The following SYNE1 variants were observed in gnomAD, a reference collection of about 807,000 sequenced individuals.
SYNE1 encodes nesprin-1.
Under a neutral mutation model 1,111.0 loss-of-function variants are expected in SYNE1, and 616 were observed. The observed-to-expected ratio is 0.55, with a 90% confidence interval of 0.52 to 0.59. The LOEUF is 0.59. Ranked by LOEUF, SYNE1 falls within the 20% of genes least tolerant of loss-of-function variation. The probability of loss-of-function intolerance (pLI) is 0.00; values close to 1 mark genes in which losing one functional copy is unlikely to be tolerated. For missense variants in SYNE1, 10,006 were observed against 10,417.0 expected (o/e 0.96, Z 1.72); for synonymous variants, 3,855 against 3,825.8 (o/e 1.01, Z -0.28).
chr6:152,300,605 G>C (rs774835243), intron 93 of SYNE1, 36 bp downstream of exon 93: 11 of 1,613,752 alleles, frequency 6.8e-6, no homozygotes, highest in Non-Finnish European at 9.3e-6. Context: ...CATCTGCCCA[G>C]AGATTATTGC....
intron 93 of SYNE1, 54 bp downstream of exon 93, chr6:152,300,587 G>A (rs536241015): frequency 1.9e-6 from 3 of 1,611,432 alleles, no homozygotes; most frequent in African/African-American, 2.7e-5. Context: ...ACAGAGAATG[G>A]AGTCCTGCAT....
At position 152,254,980 on chromosome 6, in the gene SYNE1, GT is replaced by G; in HGVS notation, c.19369del (p.Thr6457LeufsTer12). 1 of 1,613,978 alleles carries G rather than the reference GT, an allele frequency of 6.2e-7. No individual in the cohort carries two copies. The highest frequency in any genetic ancestry group is 1.7e-5 in the Admixed American group (1 of 60,012). On this transcript the variant is annotated frameshift_variant, in exon 104 of 146. Coordinates refer to ENST00000367255, the MANE Select transcript of SYNE1 (RefSeq NM_182961.4). LOFTEE classifies it high-confidence loss of function. ...NGDNRDVIEDTLGCLLGRLSL... is the reference protein window; with the variant it reads ...NGDNRDVIEDXLGCLLGRLSL... ...TAACCTGCCCAAAAGACAACCCAAAGTATCTTCAATAACATCTCGATTATCA... is the reference window on the plus strand; with the variant it reads ...TAACCTGCCCAAAAGACAACCCAAAGATCTTCAATAACATCTCGATTATCA...
chr6:152,127,961 G>GAAGGTGCCAGAGACCT (rs1338671165), intron 145 of SYNE1: 1 of 152,110 alleles, frequency 6.6e-6, no homozygotes, highest in Non-Finnish European at 1.5e-5. Flanking sequence ...TCTCTGTAAA[G>GAAGGTGCCAGAGACCT]AAGGTGCCAG....
rs1180250390 is a variant in SYNE1 at position 152,130,581 on chromosome 6, G to A, written c.26153+139C>T. ...TTCAGAAACTTCTCTTCCAATGTAT[G>A]AGGAAAGGGTGTGGACTGAAATGAG... On this transcript the variant is annotated intron_variant, in intron 145 of 145. Transcript: ENST00000367255. The A allele has an allele frequency of 3.3e-5, 27 of 807,242 alleles. No homozygotes were observed. The East Asian group carries it at 6.9e-4, about 21-fold the overall frequency. The allele number at this position is 807,242 out of a possible 1,614,324, so 50.0% of individuals were successfully genotyped here. A position where few individuals can be genotyped will look rare whatever the true frequency, so the allele number is the denominator to read the frequency against.
intron 2 of SYNE1, among the ~76,000 whole-genome samples, chr6:152,632,352 A>T (rs898965185): frequency 2.0e-5 from 3 of 152,228 alleles, no homozygotes; most frequent in African/African-American, 7.2e-5. Flanking sequence ...CAGACATTAA[A>T]CATTTTGCTT....
chr6:152,238,794 A>G (rs1362882337), intron 108 of SYNE1, among the ~76,000 whole-genome samples: 1 of 152,086 alleles, frequency 6.6e-6, no homozygotes, highest in East Asian at 1.9e-4. Flanking sequence ...AATGTCCTAC[A>G]TTTCCACGGG....
chr6:152,149,816 TTACC>T (rs1437592236), intron 135 of SYNE1, 148 bp from the exon 136 acceptor site: 1 of 714,904 alleles, frequency 1.4e-6, no homozygotes, highest in East Asian at 2.7e-5. Context: ...CAAGAGTCTA[TTACC>T]TTCTAAAGTA....
In SYNE1 at chr6:152,486,064, G is replaced by A. The variant is rs187695272; in HGVS notation, c.1048-1092C>T. Among the ~76,000 whole-genome samples, 98 of 152,000 alleles carry A rather than the reference G, an allele frequency of 6.4e-4. 2 individuals are homozygous for A. The East Asian group carries it at 0.017, about 27-fold the overall frequency. On this transcript the variant is annotated intron_variant, in intron 12 of 145. Coordinates refer to ENST00000367255, the MANE Select transcript of SYNE1 (RefSeq NM_182961.4). ...ACAAAAATTAGCTGAGCATAGTGGC[G>A]CATGCCTGTAGTCCCAGCTACTCAG...
At chr6:152,155,762 T>C (rs2061269086) in intron 132 of SYNE1, 148 bp downstream of exon 132, 5 of 934,760 alleles carry the variant, frequency 5.3e-6, no homozygotes, top group Non-Finnish European at 8.5e-6. Context: ...TTTTCCCAAC[T>C]AAATGTAGAC....
At chr6:152,521,250 C>G (rs557000337) in intron 5 of SYNE1, among the ~76,000 whole-genome samples, 2 of 152,270 alleles carry the variant, frequency 1.3e-5, no homozygotes, top group African/African-American at 4.8e-5. Flanking sequence ...TGTGCTATTT[C>G]TATACTCTTC....
chr6:152,184,631 T>G (rs75110689), intron 128 of SYNE1, among the ~76,000 whole-genome samples: 1,574 of 143,044 alleles, frequency 0.011, 60 homozygotes, highest in Middle Eastern at 0.03. Context: ...TATACACATA[T>G]ATAGATAGAT....
At position 152,444,482 on chromosome 6, in the gene SYNE1, G is replaced by A. The variant is rs1166715664; in HGVS notation, c.3766C>T (p.Gln1256Ter). 6.2e-7 allele frequency: 1 copy of A among 1,613,894 alleles called. No individual in the cohort carries two copies. Residue 1256 changes from glutamine to a stop codon, truncating the protein, a stop_gained, in exon 30 of 146, where the codon CAG (glutamine) becomes TAG (stop). Transcript: ENST00000367255. LOFTEE classifies it high-confidence loss of function. ...TCCAAGATCTTCTCAGCTTGTTCCT[G>A]GACTTCTTTAGAGCCAGAAATTAAT... ...EELISGSKEV[Q>*]EQAEKILDTE...
At chr6:152,443,965 T>C (rs577421237) in intron 30 of SYNE1, among the ~76,000 whole-genome samples, 1 of 152,306 alleles carries the variant, frequency 6.6e-6, no homozygotes, top group African/African-American at 2.4e-5. Flanking sequence ...GTACTTCAAG[T>C]AAGTCATCAT....
At chr6:152,167,922 A>G (rs1480452984) in intron 130 of SYNE1, 1 of 767,992 alleles carries the variant, frequency 1.3e-6, no homozygotes, top group African/African-American at 1.7e-5. Context: ...CTGCATGCCC[A>G]GTAGAGGTAC....
At chr6:152,555,859 T>C (rs1021272692) in intron 3 of SYNE1, among the ~76,000 whole-genome samples, 7 of 152,186 alleles carry the variant, frequency 4.6e-5, no homozygotes, top group African/African-American at 1.7e-4. Context: ...TTGTTATCAG[T>C]AAATTCCATG....
intron 3 of SYNE1, among the ~76,000 whole-genome samples, chr6:152,556,419 T>C (rs905245992): frequency 6.6e-6 from 1 of 152,166 alleles, no homozygotes; most frequent in Non-Finnish European, 1.5e-5. Flanking sequence ...AGTTGGCCCC[T>C]TCAGACCGAG....
intron 100 of SYNE1, among the ~76,000 whole-genome samples, chr6:152,263,041 GTAGTACAGGACATGGAGAGA>G (rs1344035818): frequency 2.6e-5 from 4 of 151,410 alleles, no homozygotes; most frequent in Non-Finnish European, 5.9e-5. Flanking sequence ...GCCTGGGAAG[GTAGTACAGGACATGGAGAGA>G]TAGTACGGGA....
Position 152,302,042 on chromosome 6 carries a change from C to G in SYNE1, c.17368G>C (p.Gly5790Arg), listed in dbSNP as rs764611066. The G allele has an allele frequency of 6.2e-7, 1 of 1,614,274 alleles. No individual in the cohort carries two copies. Among genetic ancestry groups the G allele is most frequent in the Non-Finnish European group, 8.5e-7 (1 of 1,180,052 alleles). The stretch of plus-strand genomic sequence containing the variant: ...AAAGAAGCGATCTGCTCCTGGTAGC[C>G]CTTAATTTTCTGCGCCAGCTCCTGA... ...RHEELAQKIK[G>R]YQEQIASLNS... The change falls in exon 92 of 146, where the codon GGC becomes CGC. Residue 5790 changes from glycine to arginine, a missense_variant. Physicochemically the swap from Gly to Arg is moderately radical, Grantham distance 125 (BLOSUM62 -2). Around this residue, in one of 7 missense-constraint regions of SYNE1, gnomAD observed 4,955 missense variants for 5,017.2 expected, o/e 0.99. Transcript: ENST00000367255.
chr6:152,610,768 G>A (rs1382132902), intron 3 of SYNE1, among the ~76,000 whole-genome samples: 2 of 152,144 alleles, frequency 1.3e-5, no homozygotes, highest in African/African-American at 4.8e-5. Context: ...CCCATAAAGG[G>A]AAGCCCATCA....
Sources: allele counts gnomAD v4.1 joint callset (sites outside exome capture counted in the v4.1 genomes callset), GRCh38; gene constraint gnomAD v4.1.1; regional missense constraint gnomAD v4.1.1; transcripts MANE v1.5; gene names NCBI Gene and HGNC (gene_info 2026-07-23, HGNC 2026-07-21).